PCSK5: variants seen among roughly 807,000 people sequenced by gnomAD.
PCSK5 encodes proprotein convertase subtilisin/kexin type 5, also known as prohormone convertase 5.
A neutral mutation model predicts 233.2 loss-of-function variants in PCSK5; 129 were observed. That is an observed-to-expected ratio of 0.55 (90% CI 0.48 to 0.64). PCSK5 has a LOEUF of 0.64. Among genes scored for constraint, PCSK5 ranks in the 30% least tolerant of loss-of-function variants. The pLI, the probability that PCSK5 is intolerant of heterozygous loss-of-function variation, is 0.00. For missense variants in PCSK5, 2,076 were observed against 2,430.1 expected, an observed-to-expected ratio of 0.85 and a Z score of 3.06; for synonymous variants, 825 against 879.2, an observed-to-expected ratio of 0.94 and a Z score of 1.09.
At position 76,227,453 on chromosome 9, in the gene PCSK5, G is replaced by A. The variant is rs137954731; in HGVS notation, c.2627-50G>A. Reference sequence around the variant, plus strand: ...GGCTGCTCTCAGACTGACAGCCCAGGCAGGCTTGCCATGTAGAAATGAAAT... The same window carrying A: ...GGCTGCTCTCAGACTGACAGCCCAGACAGGCTTGCCATGTAGAAATGAAAT... On this transcript the variant is annotated intron_variant, in intron 20 of 37. Transcript: ENST00000674117. 5.3e-6 allele frequency: 7 copies of A among 1,312,450 alleles called. No homozygotes were observed. In the African/African-American group the frequency reaches 7.2e-5, roughly 14 times the overall value. 81.3% of individuals were successfully genotyped at this position (1,312,450 alleles called of 1,614,324 possible). A position where few individuals can be genotyped will look rare whatever the true frequency, so the allele number is the denominator to read the frequency against.
chr9:76,253,680 A>G (rs1826887888), intron 24 of PCSK5, among the ~76,000 whole-genome samples: 1 of 152,248 alleles, frequency 6.6e-6, no homozygotes, highest in South Asian at 2.1e-4. Flanking sequence ...AAGCATCACC[A>G]GGCTACACGC....
intron 1 of PCSK5, among the ~76,000 whole-genome samples, chr9:75,922,080 T>C (rs921652878): frequency 6.6e-6 from 1 of 152,212 alleles, no homozygotes; most frequent in Non-Finnish European, 1.5e-5. Flanking sequence ...CTGCAGTGTC[T>C]TTGGATCATT....
intron 2 of PCSK5, among the ~76,000 whole-genome samples, chr9:75,973,750 C>G (rs1825898020): frequency 6.6e-6 from 1 of 152,204 alleles, no homozygotes; most frequent in African/African-American, 2.4e-5. Flanking sequence ...ACAGCCCTTC[C>G]TCAAGTCACC....
intron 34 of PCSK5, among the ~76,000 whole-genome samples, chr9:76,333,446 A>G (rs1908497): frequency 0.92 from 140,584 of 152,262 alleles, 64,975 homozygotes; most frequent in East Asian, 0.96. Context: ...CTGTCATGTC[A>G]CCTATAAATC....
At chr9:76,250,400 C>T (rs1826764386) in intron 24 of PCSK5, among the ~76,000 whole-genome samples, 1 of 152,198 alleles carries the variant, frequency 6.6e-6, no homozygotes. Context: ...AAGGACTTTA[C>T]AGTGTAGAAA....
chr9:76,057,251 G>T (rs1325839785), intron 5 of PCSK5, among the ~76,000 whole-genome samples: 1 of 151,956 alleles, frequency 6.6e-6, no homozygotes, highest in Non-Finnish European at 1.5e-5. Flanking sequence ...AATTCTGTGG[G>T]AATAAAAAAA....
intron 24 of PCSK5, among the ~76,000 whole-genome samples, chr9:76,255,052 T>TG (rs1306761544): frequency 6.6e-6 from 1 of 152,156 alleles, no homozygotes; most frequent in Non-Finnish European, 1.5e-5. Context: ...CTTGGGAGAC[T>TG]GAGGTGGGTG....
intron 2 of PCSK5, among the ~76,000 whole-genome samples, chr9:75,940,218 G>A (rs972340727): frequency 1.3e-5 from 2 of 152,050 alleles, no homozygotes; most frequent in Non-Finnish European, 2.9e-5. Flanking sequence ...TGCCTGTAAC[G>A]TCTACCCATC....
intron 1 of PCSK5, among the ~76,000 whole-genome samples, chr9:75,911,260 T>TA (rs1415124569): frequency 7.3e-6 from 1 of 136,330 alleles, no homozygotes; most frequent in Non-Finnish European, 1.5e-5. Flanking sequence ...CCAAAGTAGT[T>TA]AAAATCTTAT....
intron 9 of PCSK5, among the ~76,000 whole-genome samples, chr9:76,114,857 T>A (rs996522635): frequency 5.9e-5 from 9 of 152,228 alleles, no homozygotes; most frequent in Middle Eastern, 3.4e-3. Context: ...GTTGGAAATG[T>A]CTCATGTTAT....
At chr9:76,196,096 G>A (rs1483279530) in intron 20 of PCSK5, among the ~76,000 whole-genome samples, 2 of 152,184 alleles carry the variant, frequency 1.3e-5, no homozygotes, top group African/African-American at 2.4e-5. Flanking sequence ...GTTAGATTTG[G>A]TCATGAATAT....
chr9:76,298,620 G>A (rs961946529), intron 27 of PCSK5, among the ~76,000 whole-genome samples: 2 of 148,370 alleles, frequency 1.3e-5, no homozygotes, highest in Non-Finnish European at 3.0e-5. Flanking sequence ...TTGAGCCAAT[G>A]CCTACAACCT....
chr9:76,249,811 A>G (rs990029825), intron 24 of PCSK5, among the ~76,000 whole-genome samples: 1 of 152,226 alleles, frequency 6.6e-6, no homozygotes, highest in Admixed American at 6.5e-5. Flanking sequence ...ACAAGAGCCA[A>G]CTGAAGAGCT....
chr9:76,270,038 T>C (rs1827460439), intron 24 of PCSK5, among the ~76,000 whole-genome samples: 1 of 152,186 alleles, frequency 6.6e-6, no homozygotes, highest in East Asian at 1.9e-4. Context: ...GCAACTCTTT[T>C]TTTTTTCTTT....
chr9:76,154,255 T>A (rs1320530793), intron 10 of PCSK5, among the ~76,000 whole-genome samples: 2 of 152,214 alleles, frequency 1.3e-5, no homozygotes, highest in Non-Finnish European at 2.9e-5. Context: ...ACTTTGAGTG[T>A]TTCATGAACA....
Position 76,021,178 on chromosome 9 carries a change from A to G in PCSK5, c.412-2560A>G, listed in dbSNP as rs575794574. Among the ~76,000 whole-genome samples the G allele has an allele frequency of 1.3e-4, 20 of 152,302 alleles. No individual in the cohort carries two copies. In the South Asian group the frequency reaches 4.1e-3, roughly 32 times the overall value. Reference sequence around the variant, plus strand: ...GGGATATAATTAGCCAATATTTTTGAAATCCTAGGGCAGACTTAGTTTATT... The same window carrying G: ...GGGATATAATTAGCCAATATTTTTGGAATCCTAGGGCAGACTTAGTTTATT... On this transcript the variant is annotated intron_variant, in intron 3 of 37. Coordinates refer to ENST00000674117, the MANE Select transcript of PCSK5 (RefSeq NM_001372043.1).
intron 20 of PCSK5, among the ~76,000 whole-genome samples, chr9:76,219,686 T>C (rs566440130): frequency 6.6e-6 from 1 of 152,204 alleles, no homozygotes; most frequent in Admixed American, 6.5e-5. Flanking sequence ...TGGGAAGCGC[T>C]CTCAGCAGCG....
intron 3 of PCSK5, among the ~76,000 whole-genome samples, chr9:75,991,102 T>C (rs1438085488): frequency 1.3e-5 from 2 of 152,132 alleles, no homozygotes; most frequent in Non-Finnish European, 2.9e-5. Context: ...ATTTTATAGA[T>C]GAGGAAATGA....
chr9:76,097,360 C>G (rs1831576421), intron 8 of PCSK5, among the ~76,000 whole-genome samples: 2 of 130,092 alleles, frequency 1.5e-5, no homozygotes, highest in Admixed American at 1.6e-4. Flanking sequence ...CCCGGGTTCA[C>G]GCCATTCTCC....
Sources: gnomAD v4.1 joint callset for allele counts (sites outside exome capture counted in the v4.1 genomes callset) on GRCh38, gnomAD v4.1.1 for gene constraint, MANE v1.5 for transcripts, NCBI Gene and HGNC (gene_info 2026-07-23, HGNC 2026-07-21) for gene names.